Variants in RB1CC1 observed in about 807,000 individuals in gnomAD.
RB1CC1 encodes the protein RB1-inducible coiled-coil protein 1.
A neutral mutation model predicts 177.5 loss-of-function variants in RB1CC1; 46 were observed. That is an observed-to-expected ratio of 0.26 (90% CI 0.20 to 0.33). The LOEUF (loss-of-function observed/expected upper bound fraction) is 0.33. RB1CC1 is among the 10% of genes least tolerant of loss of function. RB1CC1 has a pLI of 1.00. For synonymous variants in RB1CC1, 666 were observed against 613.6 expected (o/e 1.09, Z -1.26); for missense variants, 1,703 against 1,816.3 (o/e 0.94, Z 1.13).
At position 52,688,858 on chromosome 8, in the gene RB1CC1, T is replaced by A. The variant is rs1021116220; in HGVS notation, c.-166-1891A>T. Among the ~76,000 whole-genome samples, 4 of 152,120 alleles carry A rather than the reference T, an allele frequency of 2.6e-5. No individual in the cohort carries two copies. In the South Asian group the frequency reaches 8.3e-4, roughly 32 times the overall value. On this transcript the variant is annotated intron_variant, in intron 1 of 23. Coordinates refer to ENST00000025008, the MANE Select transcript of RB1CC1 (RefSeq NM_014781.5). ...GTAAAATTCCTCTATTTATACTGTC[T>A]CTCTTTATTTCTCAGCCGGCCGACA... is the stretch of plus-strand genomic sequence containing the variant.
intron 3 of RB1CC1, 21 bp downstream of exon 3, chr8:52,685,378 A>T (rs1478581059): frequency 6.5e-7 from 1 of 1,545,142 alleles, no homozygotes; most frequent in South Asian, 1.2e-5. Context: ...GCGAAAAAAA[A>T]ATAAATGAAA....
At chr8:52,689,049 C>T (rs551210711) in intron 1 of RB1CC1, among the ~76,000 whole-genome samples, 4 of 152,192 alleles carry the variant, frequency 2.6e-5, no homozygotes, top group African/African-American at 9.7e-5. Context: ...ATAGCTGCTG[C>T]TACCACCACT....
At chr8:52,636,560 T>C (rs1849157451) in intron 18 of RB1CC1, among the ~76,000 whole-genome samples, 1 of 152,148 alleles carries the variant, frequency 6.6e-6, no homozygotes, top group Non-Finnish European at 1.5e-5. Flanking sequence ...ATTATTTAGG[T>C]TTTAAAATTC....
Position 52,668,051 on chromosome 8 carries a change from T to C in RB1CC1, c.1143A>G (p.Arg381=). The change falls in exon 8 of 24, where the codon CGA becomes CGG. Residue 381 remains arginine (R), a synonymous_variant. Coordinates refer to ENST00000025008, the MANE Select transcript of RB1CC1 (RefSeq NM_014781.5). The part of the protein sequence containing the change: ...ALDQMIASCG[R]LVNEQKELAQ... ...CAAGCTCTTTCTGTTCATTCACCAG[T>C]CGGCCACAGCTAGCAATCATCTGGT... The C allele has an allele frequency of 6.2e-7, 1 of 1,614,000 alleles. No individual in the cohort carries two copies. The highest frequency in any genetic ancestry group is 8.5e-7 in the Non-Finnish European group (1 of 1,179,908).
At chr8:52,655,824 A>G (rs1202000719) in intron 15 of RB1CC1, among the ~76,000 whole-genome samples, 184 bp downstream of exon 15, 3 of 152,288 alleles carry the variant, frequency 2.0e-5, no homozygotes, top group Admixed American at 2.0e-4. Flanking sequence ...AAAGCCACTC[A>G]TGGATTTAGT....
At position 52,667,880 on chromosome 8, in the gene RB1CC1, T is replaced by C. The variant is rs538212434; in HGVS notation, c.1173+141A>G. 8.8e-6 allele frequency: 7 copies of C among 799,098 alleles called. No individual in the cohort carries two copies. In the African/African-American group the frequency reaches 1.0e-4, roughly 12 times the overall value. 49.5% of individuals were successfully genotyped at this position (799,098 alleles called of 1,614,324 possible). ...TTAAGAACATGCTTTTCTGTTTTAT[T>C]ACAAGGAAACAATATTAATACATTA... is the stretch of plus-strand genomic sequence containing the variant. On this transcript the variant is annotated intron_variant, in intron 8 of 23. Coordinates refer to ENST00000025008, the MANE Select transcript of RB1CC1 (RefSeq NM_014781.5).
chr8:52,624,638 G>A, intron 23 of RB1CC1, 79 bp downstream of exon 23: 6 of 1,141,692 alleles, frequency 5.3e-6, no homozygotes, highest in Non-Finnish European at 7.8e-6. Context: ...GAACAGCAGT[G>A]GTAATGATTT....
intron 1 of RB1CC1, among the ~76,000 whole-genome samples, chr8:52,703,858 A>G (rs1444623234): frequency 6.6e-6 from 1 of 151,900 alleles, no homozygotes; most frequent in East Asian, 1.9e-4. Flanking sequence ...TGCGGTCAAA[A>G]CCATGGATAA....
chr8:52,641,308 C>T (rs949353296), intron 18 of RB1CC1, among the ~76,000 whole-genome samples: 4 of 145,828 alleles, frequency 2.7e-5, no homozygotes, highest in African/African-American at 1.0e-4. Flanking sequence ...CACTTGAACC[C>T]AGGAGGCGGA....
chr8:52,650,267 T>C (rs564265096), intron 15 of RB1CC1, among the ~76,000 whole-genome samples: 1 of 152,348 alleles, frequency 6.6e-6, no homozygotes, highest in Admixed American at 6.5e-5. Flanking sequence ...GTAGGTTCTA[T>C]GTTTGAGATT....
chr8:52,622,682 T>C lies in RB1CC1; in HGVS notation c.*1100A>G, dbSNP rs1253056273. The stretch of plus-strand genomic sequence containing the variant: ...ACTCAACTAACTCATTTAAATAACT[T>C]TGCTCAATGGCAACTTCTCTAAAGA... On this transcript the variant is annotated 3_prime_UTR_variant, in exon 24 of 24. Coordinates refer to ENST00000025008, the MANE Select transcript of RB1CC1 (RefSeq NM_014781.5). 6.6e-6 allele frequency: 1 copy of C among 152,066 alleles called. No individual in the cohort carries two copies. Among genetic ancestry groups the C allele is most frequent in the Non-Finnish European group, 1.5e-5 (1 of 67,576 alleles). 9.4% of individuals were successfully genotyped at this position (152,066 alleles called of 1,614,324 possible). A position where few individuals can be genotyped will look rare whatever the true frequency, so the allele number is the denominator to read the frequency against.
intron 1 of RB1CC1, among the ~76,000 whole-genome samples, chr8:52,692,032 T>A (rs1363754166): frequency 6.6e-6 from 1 of 152,104 alleles, no homozygotes; most frequent in African/African-American, 2.4e-5. Context: ...ATCATTAGGG[T>A]TTCCATTTGC....
chr8:52,712,803 T>C (rs1211255796), intron 1 of RB1CC1, among the ~76,000 whole-genome samples: 2 of 152,124 alleles, frequency 1.3e-5, no homozygotes, highest in East Asian at 3.9e-4. Context: ...TGAGAAAATA[T>C]CTTCATTAGG....
rs1031759434 is a variant in RB1CC1, at chr8:52,622,554, A to T, written c.*1228T>A. On this transcript the variant is annotated 3_prime_UTR_variant, in exon 24 of 24. Coordinates refer to ENST00000025008, the MANE Select transcript of RB1CC1 (RefSeq NM_014781.5). ...TTTGTACTATTAGATATACATATTT[A>T]AAAAAATATTTAACTTATTTTTATG... The T allele has an allele frequency of 2.0e-5, 3 of 152,028 alleles. No individual in the cohort carries two copies. Among genetic ancestry groups the T allele is most frequent in the African/African-American group, 7.2e-5 (3 of 41,408 alleles). 9.4% of individuals were successfully genotyped at this position (152,028 alleles called of 1,614,324 possible). A position where few individuals can be genotyped will look rare whatever the true frequency, so the allele number is the denominator to read the frequency against.
Position 52,683,872 on chromosome 8 carries a change from C to T in RB1CC1, c.198+15G>A, listed in dbSNP as rs1563437470. 1.9e-6 allele frequency: 3 copies of T among 1,607,894 alleles called. No individual in the cohort carries two copies. Among genetic ancestry groups the T allele is most frequent in the East Asian group, 2.2e-5 (1 of 44,840 alleles). On this transcript the variant is annotated intron_variant, in intron 4 of 23. Transcript: ENST00000025008. ...GATGTTGCATTCTTGTGTGAAAGGA[C>T]TCTTGAATACCTACCGTCCCAGCAC...
chr8:52,688,581 T>C (rs559499775), intron 1 of RB1CC1, among the ~76,000 whole-genome samples: 20 of 152,340 alleles, frequency 1.3e-4, no homozygotes, highest in African/African-American at 4.8e-4. Context: ...AGGTAATACA[T>C]GCATGGCTGA....
intron 22 of RB1CC1, among the ~76,000 whole-genome samples, chr8:52,626,558 G>C (rs1346030189): frequency 1.3e-5 from 2 of 151,948 alleles, no homozygotes; most frequent in Non-Finnish European, 2.9e-5. Flanking sequence ...AAGAAATATA[G>C]GTTTTCTTTG....
At chr8:52,635,845 G>A (rs1563354585) in intron 19 of RB1CC1, among the ~76,000 whole-genome samples, 170 bp downstream of exon 19, 1 of 152,036 alleles carries the variant, frequency 6.6e-6, no homozygotes, top group Admixed American at 6.6e-5. Context: ...TAGCTAGTAA[G>A]ATCATAAAAT....
In RB1CC1 at chr8:52,685,556, T is replaced by C. The variant is rs964836551; in HGVS notation, c.-51-36A>G. 11 of 745,806 alleles carry C rather than the reference T, an allele frequency of 1.5e-5. No individual in the cohort carries two copies. In the African/African-American group the frequency reaches 1.9e-4, roughly 13 times the overall value. 46.2% of individuals were successfully genotyped at this position (745,806 alleles called of 1,614,324 possible). Reference sequence around the variant, plus strand: ...CAAGAGAAGTGATCAATTTTACAAATGCAACTACAATCACAAATACTATCA... The same window carrying C: ...CAAGAGAAGTGATCAATTTTACAAACGCAACTACAATCACAAATACTATCA... On this transcript the variant is annotated intron_variant, in intron 2 of 23. Coordinates refer to ENST00000025008, the MANE Select transcript of RB1CC1 (RefSeq NM_014781.5).
Sources: gnomAD v4.1 joint callset for allele counts (sites outside exome capture counted in the v4.1 genomes callset) on GRCh38, gnomAD v4.1.1 for gene constraint, MANE v1.5 for transcripts, NCBI Gene and HGNC (gene_info 2026-07-23, HGNC 2026-07-21) for gene names.